The following MAD1L1 variants were observed in gnomAD, a reference collection of about 807,000 sequenced individuals.
The protein encoded by MAD1L1 is mitotic spindle assembly checkpoint protein MAD1.
A neutral mutation model predicts 96.9 loss-of-function variants in MAD1L1; 95 were observed. That is an observed-to-expected ratio of 0.98 (90% CI 0.83 to 1.16). The LOEUF is 1.16. MAD1L1 is among the 50% of genes most tolerant of loss of function. MAD1L1 has a pLI of 0.00. For missense variants in MAD1L1, 1,007 were observed against 954.4 expected, an observed-to-expected ratio of 1.06 and a Z score of -0.73; for synonymous variants, 473 against 396.6, an observed-to-expected ratio of 1.19 and a Z score of -2.29.
chr7:1,980,470 C>T lies in MAD1L1; in HGVS notation c.1488G>A (p.Glu496=). 6.2e-7 allele frequency: 1 copy of T among 1,612,772 alleles called. No individual in the cohort carries two copies. Among genetic ancestry groups the T allele is most frequent in the Middle Eastern group, 1.7e-4 (1 of 6,060 alleles). Residue 496 remains glutamate, a synonymous_variant, in exon 15 of 19, where the codon GAG becomes GAA. Transcript: ENST00000265854. ...GGACGTACCTGAGCGTGTCCGCCTCCTCCCTGGAGAACAGGAAGCTCTGTT... is the reference window on the plus strand; with the variant it reads ...GGACGTACCTGAGCGTGTCCGCCTCTTCCCTGGAGAACAGGAAGCTCTGTT... ...SAEQSFLFSR[E]EADTLRLKVE... is the part of the protein sequence containing the mutation.
intron 14 of MAD1L1, among the ~76,000 whole-genome samples, chr7:1,994,275 C>T (rs1195644685): frequency 3.3e-5 from 5 of 152,196 alleles, no homozygotes; most frequent in Non-Finnish European, 5.9e-5. Flanking sequence ...AAGGTGCAGG[C>T]CCCGTGAAGG....
intron 12 of MAD1L1, among the ~76,000 whole-genome samples, chr7:2,042,968 C>T (rs186129735): frequency 2.6e-5 from 4 of 152,290 alleles, no homozygotes; most frequent in Admixed American, 2.0e-4. Flanking sequence ...TGCCACAGGC[C>T]GACCCCGTGA....
At chr7:2,229,323 C>T (rs1260577724) in intron 3 of MAD1L1, among the ~76,000 whole-genome samples, 1 of 152,210 alleles carries the variant, frequency 6.6e-6, no homozygotes, top group Admixed American at 6.5e-5. Context: ...CTCCCTACAA[C>T]TTGGGGGCCC....
chr7:2,069,833 C>T (rs1785043497), intron 11 of MAD1L1, among the ~76,000 whole-genome samples: 1 of 152,254 alleles, frequency 6.6e-6, no homozygotes, highest in Non-Finnish European at 1.5e-5. Flanking sequence ...GCAGGGCCAA[C>T]TCCAGGCTGC....
At chr7:1,986,253 A>G (rs959562747) in intron 14 of MAD1L1, among the ~76,000 whole-genome samples, 1 of 152,234 alleles carries the variant, frequency 6.6e-6, no homozygotes, top group Non-Finnish European at 1.5e-5. Flanking sequence ...TCTGCCACAG[A>G]TGCGGCTTCA....
At chr7:1,969,611 G>C (rs1780318870) in intron 15 of MAD1L1, among the ~76,000 whole-genome samples, 1 of 152,124 alleles carries the variant, frequency 6.6e-6, no homozygotes, top group African/African-American at 2.4e-5. Context: ...CCAGGCTACA[G>C]AAAACCCTAA....
intron 11 of MAD1L1, among the ~76,000 whole-genome samples, chr7:2,125,958 C>T (rs370943006): frequency 1.3e-5 from 2 of 152,262 alleles, no homozygotes; most frequent in Admixed American, 6.5e-5. Context: ...ACGTTTACAG[C>T]GCCACAGGTG....
chr7:2,075,293 G>A (rs751710710), intron 11 of MAD1L1, among the ~76,000 whole-genome samples: 3 of 152,302 alleles, frequency 2.0e-5, no homozygotes, highest in South Asian at 2.1e-4. Flanking sequence ...CCACCCAGGC[G>A]TGCAGGTAGA....
intron 11 of MAD1L1, among the ~76,000 whole-genome samples, chr7:2,079,253 G>C (rs1312887470): frequency 6.6e-6 from 1 of 152,226 alleles, no homozygotes; most frequent in African/African-American, 2.4e-5. Context: ...GACTCCGAGA[G>C]GGCAGGTGCC....
intron 11 of MAD1L1, among the ~76,000 whole-genome samples, chr7:2,097,887 C>T (rs774938363): frequency 3.9e-5 from 6 of 152,202 alleles, no homozygotes; most frequent in Non-Finnish European, 7.4e-5. Flanking sequence ...CAGCAAGGGA[C>T]GAGGGCCGGG....
chr7:2,083,711 T>C (rs2128540570), intron 11 of MAD1L1, among the ~76,000 whole-genome samples: 1 of 152,380 alleles, frequency 6.6e-6, no homozygotes, highest in East Asian at 1.9e-4. Flanking sequence ...GCCACTGACC[T>C]GCAGCAGGCT....
intron 17 of MAD1L1, among the ~76,000 whole-genome samples, chr7:1,923,281 T>A (rs1047046298): frequency 3.0e-4 from 45 of 152,332 alleles, no homozygotes; most frequent in African/African-American, 1.1e-3. Flanking sequence ...ACTGGTTGGG[T>A]GTTTGCCCTG....
At chr7:1,953,696 C>G (rs745953760) in intron 16 of MAD1L1, among the ~76,000 whole-genome samples, 1 of 152,238 alleles carries the variant, frequency 6.6e-6, no homozygotes, top group Admixed American at 6.5e-5. Context: ...CGTGGTGGAG[C>G]CTTGGTGGCG....
intron 17 of MAD1L1, among the ~76,000 whole-genome samples, chr7:1,906,381 C>T (rs1326502055): frequency 6.6e-6 from 1 of 152,238 alleles, no homozygotes; most frequent in Admixed American, 6.5e-5. Context: ...GATATTCATG[C>T]CCTGCTGGGT....
At chr7:2,167,655 G>A (rs1305616181) in intron 10 of MAD1L1, among the ~76,000 whole-genome samples, 4 of 151,980 alleles carry the variant, frequency 2.6e-5, no homozygotes, top group East Asian at 3.9e-4. Context: ...ACTTGAGCCC[G>A]GGAGTTCGAG....
intron 15 of MAD1L1, among the ~76,000 whole-genome samples, chr7:1,963,591 C>A (rs1177090881): frequency 6.6e-6 from 1 of 152,222 alleles, no homozygotes; most frequent in Non-Finnish European, 1.5e-5. Context: ...CTCAGGAAAG[C>A]TGTAAAAACC....
chr7:2,224,719 C>A (rs1274739443), intron 4 of MAD1L1, among the ~76,000 whole-genome samples: 1 of 152,202 alleles, frequency 6.6e-6, no homozygotes, highest in African/African-American at 2.4e-5. Context: ...TCAGCACTGA[C>A]TGAAACCCTG....
intron 18 of MAD1L1, chr7:1,829,460 C>G (rs1420151440): frequency 1.3e-5 from 2 of 152,268 alleles, no homozygotes; most frequent in Non-Finnish European, 2.9e-5. Flanking sequence ...ATGGGTGTAC[C>G]TGGACGTGGG....
At chr7:1,996,232 TC>T (rs55708394) in intron 14 of MAD1L1, among the ~76,000 whole-genome samples, 16 of 19,952 alleles carry the variant, frequency 8.0e-4, no homozygotes, top group Admixed American at 2.5e-3. Flanking sequence ...GCGGGCAGGG[TC>T]CCCCCGGGTC....
Sources: gnomAD v4.1 joint callset for allele counts (sites outside exome capture counted in the v4.1 genomes callset) on GRCh38, gnomAD v4.1.1 for gene constraint, MANE v1.5 for transcripts, NCBI Gene and HGNC (gene_info 2026-07-23, HGNC 2026-07-21) for gene names.